Variants in TRPS1 observed in about 807,000 individuals in gnomAD.
TRPS1 encodes zinc finger transcription factor Trps1.
TRPS1 carries 6 observed loss-of-function variants against 101.2 expected under a neutral mutation model. The ratio of observed to expected loss-of-function variants is 0.06; its 90% CI spans 0.03 to 0.12. The LOEUF (loss-of-function observed/expected upper bound fraction) is 0.12, where lower values mean the gene tolerates loss of function less well. TRPS1 is among the 10% of genes least tolerant of loss of function. TRPS1 has a pLI of 1.00. For synonymous variants in TRPS1, 578 were observed against 589.8 expected (o/e 0.98, Z 0.29); for missense variants, 1,363 against 1,567.0 (o/e 0.87, Z 2.20).
intron 3 of TRPS1, among the ~76,000 whole-genome samples, chr8:115,607,944 A>G: frequency 6.6e-6 from 1 of 152,156 alleles, no homozygotes; most frequent in East Asian, 1.9e-4. Flanking sequence ...TTTTATTTGC[A>G]TGCCCCATTT....
chr8:115,625,354 A>T (rs532232775), intron 1 of TRPS1, among the ~76,000 whole-genome samples: 1 of 151,966 alleles, frequency 6.6e-6, no homozygotes. Flanking sequence ...AATTTGAATA[A>T]ATTATTTCTA....
intron 5 of TRPS1, among the ~76,000 whole-genome samples, chr8:115,442,307 C>A (rs76302388): frequency 0.037 from 5,601 of 152,112 alleles, 396 homozygotes; most frequent in African/African-American, 0.13. Context: ...CACTGATTTT[C>A]TGAAGGAAAA....
chr8:115,422,142 C>T (rs1423767480), intron 5 of TRPS1, among the ~76,000 whole-genome samples: 1 of 151,972 alleles, frequency 6.6e-6, no homozygotes, highest in Non-Finnish European at 1.5e-5. Flanking sequence ...GGACAGTGCT[C>T]TGTTAGGCTA....
At chr8:115,641,880 G>GAAAAC (rs113288951) in intron 1 of TRPS1, among the ~76,000 whole-genome samples, 74 of 151,566 alleles carry the variant, frequency 4.9e-4, no homozygotes, top group Non-Finnish European at 7.5e-4. Flanking sequence ...TCTCCGTCTC[G>GAAAAC]AAAACAAAAC....
chr8:115,648,709 G>A (rs889653272), intron 1 of TRPS1, among the ~76,000 whole-genome samples: 4 of 151,488 alleles, frequency 2.6e-5, no homozygotes, highest in African/African-American at 4.9e-5. Context: ...TATTTCTCTC[G>A]CTACACTATC....
chr8:115,430,109 AT>A (rs1294943180), intron 5 of TRPS1, among the ~76,000 whole-genome samples: 3 of 152,314 alleles, frequency 2.0e-5, no homozygotes, highest in African/African-American at 7.2e-5. Context: ...CCCCAAATGT[AT>A]CAAAACTACT....
intron 5 of TRPS1, among the ~76,000 whole-genome samples, chr8:115,541,317 C>G (rs1283011377): frequency 6.6e-6 from 1 of 152,098 alleles, no homozygotes; most frequent in Non-Finnish European, 1.5e-5. Context: ...TTCTTTTTCA[C>G]CACAGTGCAA....
In TRPS1 at chr8:115,409,063, T is replaced by C. The variant is rs1352225375; in HGVS notation, c.*4960A>G. ...GGCCTTTGGGAACTGACAGTTTAAA[T>C]AACCCCCTTGGCCACATAATAATAC... On this transcript the variant is annotated 3_prime_UTR_variant, in exon 7 of 7. Transcript: ENST00000395715. The C allele has an allele frequency of 6.6e-6, 1 of 152,006 alleles. No individual in the cohort carries two copies. Among genetic ancestry groups the C allele is most frequent in the African/African-American group, 2.4e-5 (1 of 41,318 alleles). The allele number at this position is 152,006 out of a possible 1,614,324, so 9.4% of individuals were successfully genotyped here. A position where few individuals can be genotyped will look rare whatever the true frequency, so the allele number is the denominator to read the frequency against.
At chr8:115,523,850 A>C (rs1331085621) in intron 5 of TRPS1, among the ~76,000 whole-genome samples, 1 of 152,166 alleles carries the variant, frequency 6.6e-6, no homozygotes, top group African/African-American at 2.4e-5. Flanking sequence ...GAATTGTAAA[A>C]AATTCCTGGC....
intron 1 of TRPS1, among the ~76,000 whole-genome samples, chr8:115,646,580 C>T (rs549927263): frequency 6.6e-5 from 10 of 152,080 alleles, no homozygotes; most frequent in African/African-American, 2.4e-4. Context: ...AATAAGTATG[C>T]CCCCCATACT....
intron 4 of TRPS1, among the ~76,000 whole-genome samples, chr8:115,599,611 T>C (rs544274725): frequency 1.3e-5 from 2 of 152,202 alleles, no homozygotes; most frequent in East Asian, 3.9e-4. Context: ...TCTGTTCCTG[T>C]GTTAGTTTGC....
chr8:115,571,799 T>C (rs1457686307), intron 5 of TRPS1, among the ~76,000 whole-genome samples: 2 of 152,110 alleles, frequency 1.3e-5, no homozygotes, highest in Non-Finnish European at 2.9e-5. Flanking sequence ...AATGAATCTA[T>C]CCAACAGGCA....
intron 5 of TRPS1, chr8:115,515,418 C>T: frequency 3.5e-6 from 2 of 574,362 alleles, no homozygotes; most frequent in Non-Finnish European, 6.3e-6. Context: ...TGCCAAATCT[C>T]TTTTTCCTAT....
chr8:115,623,062 A>G (rs1026113400), intron 2 of TRPS1, among the ~76,000 whole-genome samples: 1 of 152,162 alleles, frequency 6.6e-6, no homozygotes, highest in African/African-American at 2.4e-5. Flanking sequence ...CAGCATCTTT[A>G]GTGGCTGGGA....
rs185426653 is a variant in TRPS1, at chr8:115,459,588, C to T, written c.2701-41136G>A. Among the ~76,000 whole-genome samples, 15 of 152,208 alleles carry T rather than the reference C, an allele frequency of 9.9e-5. No individual in the cohort carries two copies. The East Asian group carries it at 2.5e-3, about 26-fold the overall frequency. On this transcript the variant is annotated intron_variant, in intron 5 of 6. Transcript: ENST00000395715. ...TGAGAAAGTTAGTGAGATAATAAAA[C>T]GATGATCCCTAAAGACTATTAGACT... is the stretch of plus-strand genomic sequence containing the variant.
chr8:115,625,866 G>A (rs1818494513), intron 1 of TRPS1, among the ~76,000 whole-genome samples: 1 of 151,782 alleles, frequency 6.6e-6, no homozygotes, highest in Non-Finnish European at 1.5e-5. Flanking sequence ...TTAATTATAA[G>A]TAACAGTTCT....
rs1814740166 is a variant in TRPS1, at chr8:115,481,077, G to A, written c.2701-62625C>T. ...TTTGCCTTTTCTTTCCTGTAAATAT[G>A]CTGTTTATCTTTCTACAAGCCCATT... On this transcript the variant is annotated intron_variant, in intron 5 of 6. Coordinates refer to ENST00000395715, the MANE Select transcript of TRPS1 (RefSeq NM_014112.5). 2.6e-5 allele frequency among the ~76,000 whole-genome samples: 4 copies of A among 152,154 alleles called. No homozygotes were observed. In the South Asian group the frequency reaches 8.3e-4, roughly 32 times the overall value.
At chr8:115,578,995 G>T (rs2130421916) in intron 5 of TRPS1, among the ~76,000 whole-genome samples, 1 of 152,158 alleles carries the variant, frequency 6.6e-6, no homozygotes, top group African/African-American at 2.4e-5. Flanking sequence ...CTCTAGAATT[G>T]CCAGAGCTAG....
intron 1 of TRPS1, among the ~76,000 whole-genome samples, chr8:115,648,181 A>T (rs1811465196): frequency 6.6e-6 from 1 of 152,082 alleles, no homozygotes; most frequent in South Asian, 2.1e-4. Flanking sequence ...GGAAGTGGGG[A>T]GAAGGGCAGG....
Sources: gnomAD v4.1 joint callset for allele counts (sites outside exome capture counted in the v4.1 genomes callset) on GRCh38, gnomAD v4.1.1 for gene constraint, MANE v1.5 for transcripts, NCBI Gene and HGNC (gene_info 2026-07-23, HGNC 2026-07-21) for gene names.